The following CCNE1 variants were observed in gnomAD, a reference collection of about 807,000 sequenced individuals.
CCNE1 encodes G1/S-specific cyclin-E1.
A neutral mutation model predicts 54.1 loss-of-function variants in CCNE1; 8 were observed. The observed-to-expected ratio is 0.15, with a 90% CI of 0.09 to 0.27. The LOEUF (loss-of-function observed/expected upper bound fraction) is 0.27, where lower values mean the gene tolerates loss of function less well. Ranked by LOEUF, CCNE1 falls within the 10% of genes least tolerant of loss-of-function variation. CCNE1 has a pLI of 1.00. For missense variants in CCNE1, 430 were observed against 514.9 expected (o/e 0.84, Z 1.60); for synonymous variants, 179 against 185.2 (o/e 0.97, Z 0.27).
intron 4 of CCNE1, among the ~76,000 whole-genome samples, chr19:29,815,622 CT>C (rs778868229): frequency 0.49 from 48,923 of 99,700 alleles, 9,575 homozygotes; most frequent in South Asian, 0.58. Flanking sequence ...ATGGTCTCTG[CT>C]TTTTTTTTTT....
Position 29,823,885 on chromosome 19 carries a change from G to C in CCNE1, c.*108G>C, listed in dbSNP as rs1974215371. 1.6e-5 allele frequency: 19 copies of C among 1,185,328 alleles called. No individual in the cohort carries two copies. Among genetic ancestry groups the C allele is most frequent in the East Asian group, 2.5e-5 (1 of 40,176 alleles). The allele number at this position is 1,185,328 out of a possible 1,614,324, so 73.4% of individuals were successfully genotyped here. On this transcript the variant is annotated 3_prime_UTR_variant, in exon 12 of 12. Transcript: ENST00000262643. ...CTTTTACAGATATCTGAATGGAAGA[G>C]TGTTTCTTCCACAACAGAAGTATTT...
chr19:29,813,742 G>A (rs747580577), intron 4 of CCNE1, among the ~76,000 whole-genome samples: 3 of 152,130 alleles, frequency 2.0e-5, no homozygotes, highest in Non-Finnish European at 4.4e-5. Context: ...CCTGCATGCA[G>A]TGTGATAATC....
At chr19:29,822,960 C>T (rs1974188207) in intron 11 of CCNE1, among the ~76,000 whole-genome samples, 1 of 151,742 alleles carries the variant, frequency 6.6e-6, no homozygotes, top group African/African-American at 2.4e-5. Flanking sequence ...AAAAAAACTG[C>T]CTAAATAACC....
chr19:29,811,994 A>C lies in CCNE1; in HGVS notation c.-183A>C, dbSNP rs1973892928. The C allele has an allele frequency of 6.8e-6, 1 of 146,228 alleles. No individual in the cohort carries two copies. Among genetic ancestry groups the C allele is most frequent in the Admixed American group, 6.8e-5 (1 of 14,730 alleles). The allele number at this position is 146,228 out of a possible 1,614,324, so 9.1% of individuals were successfully genotyped here. On this transcript the variant is annotated 5_prime_UTR_variant, in exon 1 of 12. Transcript: ENST00000262643. ...TGTCCCGCTCTGAGCCGGGCGCAGG[A>C]GCAGCCGGCGCGGCCGCCAGCGCGG... is the stretch of plus-strand genomic sequence containing the variant.
intron 1 of CCNE1, 64 bp from the exon 2 acceptor site, chr19:29,812,468 G>T (rs112864081): frequency 9.0e-7 from 1 of 1,112,482 alleles, no homozygotes; most frequent in Non-Finnish European, 1.1e-6. Context: ...CGCGCGCAAA[G>T]GGGGAAGGGG....
At chr19:29,820,235 G>A (rs539095871) in intron 6 of CCNE1, among the ~76,000 whole-genome samples, 2 of 152,322 alleles carry the variant, frequency 1.3e-5, no homozygotes, top group African/African-American at 4.8e-5. Context: ...GGACAGGCCA[G>A]AAGGGCCCCT....
At chr19:29,820,054 G>C (rs1055804097) in intron 6 of CCNE1, among the ~76,000 whole-genome samples, 1 of 152,232 alleles carries the variant, frequency 6.6e-6, no homozygotes, top group African/African-American at 2.4e-5. Flanking sequence ...CTCTTGCCCT[G>C]TGGGGCCATT....
intron 6 of CCNE1, among the ~76,000 whole-genome samples, chr19:29,819,747 G>A (rs1974107308): frequency 6.6e-6 from 1 of 152,240 alleles, no homozygotes; most frequent in Admixed American, 6.5e-5. Flanking sequence ...TTGATTAAGG[G>A]AAGCTTCCTA....
intron 4 of CCNE1, 55 bp downstream of exon 4, chr19:29,813,092 TG>T (rs1973934623): frequency 4.8e-6 from 7 of 1,463,088 alleles, no homozygotes; most frequent in Non-Finnish European, 6.7e-6. Context: ...CTGGGTCACA[TG>T]GGGTTTCATG....
intron 6 of CCNE1, among the ~76,000 whole-genome samples, chr19:29,819,764 C>G (rs1226638544): frequency 6.6e-6 from 1 of 152,174 alleles, no homozygotes; most frequent in Non-Finnish European, 1.5e-5. Context: ...CCTAGACAAC[C>G]TTGTAAGACT....
intron 6 of CCNE1, among the ~76,000 whole-genome samples, chr19:29,817,812 G>A (rs994564286): frequency 6.9e-6 from 1 of 144,332 alleles, no homozygotes; most frequent in Non-Finnish European, 1.5e-5. Context: ...CCAGTAAATT[G>A]TAACTGTTAA....
chr19:29,814,540 T>C (rs1248474371), intron 4 of CCNE1, among the ~76,000 whole-genome samples: 1 of 152,252 alleles, frequency 6.6e-6, no homozygotes, highest in Non-Finnish European at 1.5e-5. Flanking sequence ...CAGATTTCTA[T>C]ACGTTTTGTA....
At chr19:29,817,695 T>C (rs1043057663) in intron 6 of CCNE1, 154 bp downstream of exon 6, 14 of 794,422 alleles carry the variant, frequency 1.8e-5, no homozygotes, top group Non-Finnish European at 2.8e-5. Flanking sequence ...TCTGTTTTGC[T>C]TGTATTCTTA....
intron 6 of CCNE1, among the ~76,000 whole-genome samples, chr19:29,819,097 G>T (rs555498025): frequency 4.6e-5 from 7 of 151,928 alleles, no homozygotes; most frequent in East Asian, 3.9e-4. Context: ...ATAAAAAATT[G>T]TCAGGGTATA....
chr19:29,812,400 G>T, intron 1 of CCNE1, 132 bp from the exon 2 acceptor site: 1 of 517,372 alleles, frequency 1.9e-6, no homozygotes, highest in South Asian at 9.4e-5. Flanking sequence ...GCGGGTGCCC[G>T]GGTCGCGGGT....
rs1453640050 is a variant in CCNE1, at chr19:29,820,572, A to G, written c.463-130A>G. The G allele has an allele frequency of 7.4e-6, 5 of 676,810 alleles. No homozygotes were observed. In the African/African-American group the frequency reaches 7.4e-5, roughly 10 times the overall value. The allele number at this position is 676,810 out of a possible 1,614,324, so 41.9% of individuals were successfully genotyped here. On this transcript the variant is annotated intron_variant, in intron 6 of 11. Transcript: ENST00000262643. ...CAAAAAAAAAACAAAAAAACAAAAA[A>G]CTATCAATTGTTGAGTTCAGGAACT...
intron 6 of CCNE1, 72 bp downstream of exon 6, chr19:29,817,613 CTG>C: frequency 2.0e-6 from 3 of 1,526,466 alleles, no homozygotes; most frequent in South Asian, 2.3e-5. Context: ...ATTAGGACCT[CTG>C]TGTGGTTTAT....
intron 11 of CCNE1, 39 bp downstream of exon 11, chr19:29,822,642 T>C (rs1351894127): frequency 1.3e-6 from 2 of 1,577,686 alleles, no homozygotes; most frequent in African/African-American, 2.7e-5. Flanking sequence ...CTTGGCCAAA[T>C]TCTTAAAACT....
intron 6 of CCNE1, among the ~76,000 whole-genome samples, chr19:29,817,857 C>CTTTTTTTTTTTTT (rs34598025): frequency 2.1e-5 from 2 of 95,910 alleles, no homozygotes; most frequent in African/African-American, 4.2e-5. Flanking sequence ...CATTAAATTG[C>CTTTTTTTTTTTTT]TTTTTTTTTT....
Sources: gnomAD v4.1 joint callset for allele counts (sites outside exome capture counted in the v4.1 genomes callset) on GRCh38, gnomAD v4.1.1 for gene constraint, MANE v1.5 for transcripts, NCBI Gene and HGNC (gene_info 2026-07-23, HGNC 2026-07-21) for gene names.